Variants in NLRP3 observed in about 807,000 individuals in gnomAD.
NLRP3 encodes NACHT, LRR and PYD domains-containing protein 3.
In NLRP3, 48 loss-of-function variants were observed where a neutral mutation model predicts 91.3. The ratio of observed to expected loss-of-function variants is 0.53; its 90% CI spans 0.42 to 0.67. The LOEUF is 0.67. Among genes scored for constraint, NLRP3 ranks in the 30% least tolerant of loss-of-function variants. The pLI, the probability that NLRP3 is intolerant of heterozygous loss-of-function variation, is 0.00. For synonymous variants in NLRP3, 561 were observed against 507.9 expected, an observed-to-expected ratio of 1.10 and a Z score of -1.41; for missense variants, 982 against 1,276.9, an observed-to-expected ratio of 0.77 and a Z score of 3.52.
At chr1:247,441,133 TTCTTTCTTTC>T (rs1480877848) in intron 7 of NLRP3, among the ~76,000 whole-genome samples, 1 of 21,960 alleles carries the variant, frequency 4.6e-5, no homozygotes, top group African/African-American at 1.3e-4. Context: ...CTTTTTCTCT[TTCTTTCTTTC>T]TTTCTCTCTC....
rs1221826907 is a variant in NLRP3 at position 247,433,890 on chromosome 1, G to A, written c.2322-213G>A. Among the ~76,000 whole-genome samples, 87 of 143,194 alleles carry A rather than the reference G, an allele frequency of 6.1e-4. 1 individual carries two copies. The highest frequency in any genetic ancestry group is 3.6e-3 in the Middle Eastern group (1 of 276). The allele number at this position is 143,194 out of a possible 152,430, so 93.9% of individuals were successfully genotyped here. A position where few individuals can be genotyped will look rare whatever the true frequency, so the allele number is the denominator to read the frequency against. Reference sequence around the variant, plus strand: ...GCTTTCTCTATTCTGGAGCTCTCTGGTCAGATGTGTTCTGATGCTTTCTCT... The same window carrying A: ...GCTTTCTCTATTCTGGAGCTCTCTGATCAGATGTGTTCTGATGCTTTCTCT... On this transcript the variant is annotated intron_variant, in intron 5 of 9. Coordinates refer to ENST00000336119, the MANE Select transcript of NLRP3 (RefSeq NM_001243133.2).
At chr1:247,447,189 C>T (rs1002499761) in intron 9 of NLRP3, among the ~76,000 whole-genome samples, 1 of 152,170 alleles carries the variant, frequency 6.6e-6, no homozygotes, top group Non-Finnish European at 1.5e-5. Context: ...AGTCCAAAAT[C>T]AAGTCTCTGA....
intron 9 of NLRP3, among the ~76,000 whole-genome samples, chr1:247,447,758 CATT>C (rs1024086041): frequency 7.2e-5 from 11 of 152,086 alleles, no homozygotes; most frequent in Admixed American, 6.5e-4. Context: ...GTGATAGTGA[CATT>C]GTAATTATAT....
intron 7 of NLRP3, among the ~76,000 whole-genome samples, chr1:247,437,350 G>C (rs193272023): frequency 6.6e-6 from 1 of 152,142 alleles, no homozygotes; most frequent in African/African-American, 2.4e-5. Context: ...TGGCAGGAAA[G>C]GTCTTCCCAG....
intron 7 of NLRP3, among the ~76,000 whole-genome samples, chr1:247,436,858 T>C (rs1663824322): frequency 6.6e-6 from 1 of 152,254 alleles, no homozygotes; most frequent in East Asian, 1.9e-4. Flanking sequence ...TGTACCACTT[T>C]CCTGTATCAC....
intron 5 of NLRP3, among the ~76,000 whole-genome samples, chr1:247,433,171 C>T (rs1035217746): frequency 1.1e-4 from 17 of 151,764 alleles, no homozygotes; most frequent in Non-Finnish European, 8.8e-5. Context: ...CTCGCCAGTG[C>T]ACTCCAGCCT....
intron 5 of NLRP3, among the ~76,000 whole-genome samples, chr1:247,433,107 T>C (rs929456153): frequency 3.9e-5 from 6 of 151,998 alleles, no homozygotes; most frequent in Non-Finnish European, 8.8e-5. Flanking sequence ...CTTGGGAGGC[T>C]GAGGCAGGTG....
At position 247,434,095 on chromosome 1, in the gene NLRP3, G is replaced by C. The variant is rs201732444; in HGVS notation, c.2322-8G>C. 7.6e-6 allele frequency: 10 copies of C among 1,307,528 alleles called. No homozygotes were observed. Among genetic ancestry groups the C allele is most frequent in the Non-Finnish European group, 1.0e-5 (10 of 1,001,688 alleles). The allele number at this position is 1,307,528 out of a possible 1,614,324, so 81.0% of individuals were successfully genotyped here. A position where few individuals can be genotyped will look rare whatever the true frequency, so the allele number is the denominator to read the frequency against. On this transcript the variant is annotated splice_polypyrimidine_tract_variant and splice_region_variant and intron_variant, in intron 5 of 9. Coordinates refer to ENST00000336119, the MANE Select transcript of NLRP3 (RefSeq NM_001243133.2). ...CTGATGCTTTCTGCCTCTGTTCTTG[G>C]CATGAAGGTTGGGGCGCTGTGGCCT... is the stretch of plus-strand genomic sequence containing the variant.
chr1:247,426,160 C>T (rs914148548), intron 4 of NLRP3, among the ~76,000 whole-genome samples: 2 of 151,928 alleles, frequency 1.3e-5, no homozygotes, highest in Non-Finnish European at 2.9e-5. Context: ...AAAGTGTGTG[C>T]AGGTGACAGT....
chr1:247,423,286 G>A lies in NLRP3; in HGVS notation c.334G>A (p.Glu112Lys). 6.2e-7 allele frequency: 1 copy of A among 1,606,804 alleles called. No homozygotes were observed. The highest frequency in any genetic ancestry group is 8.5e-7 in the Non-Finnish European group (1 of 1,175,566). ...PTVICQEDSI[E>K]EEWMGLLEYL... The stretch of plus-strand genomic sequence containing the variant: ...TGTGATATGCCAGGAAGACAGCATT[G>A]AAGAGGAGTGGATGGGTTTACTGGA... The change falls in exon 3 of 10, where the codon GAA becomes AAA. Residue 112 changes from glutamate to lysine, a missense_variant. Around this residue, in one of 5 missense-constraint regions of NLRP3, gnomAD observed 548 missense variants for 713.7 expected, o/e 0.77. Coordinates refer to ENST00000336119, the MANE Select transcript of NLRP3 (RefSeq NM_001243133.2).
chr1:247,423,850 A>T lies in NLRP3; in HGVS notation c.401A>T (p.Tyr134Phe). 2 of 1,613,652 alleles carry T rather than the reference A, an allele frequency of 1.2e-6. No individual in the cohort carries two copies. The highest frequency in any genetic ancestry group is 1.7e-6 in the Non-Finnish European group (2 of 1,179,864). ...TAACTTCCTGTCTTTGCCGTAGATT[A>T]CCGTAAGAAGTACAGAAAGTACGTG... ...RISICKMKKD[Y>F]RKKYRKYVRS... Residue 134 changes from tyrosine to phenylalanine, a missense_variant, in exon 4 of 10, where the codon TAC (tyrosine) becomes TTC (phenylalanine). Around this residue, in one of 5 missense-constraint regions of NLRP3, gnomAD observed 548 missense variants for 713.7 expected, o/e 0.77. Transcript: ENST00000336119.
intron 7 of NLRP3, among the ~76,000 whole-genome samples, chr1:247,438,592 C>T (rs966384687): frequency 2.0e-5 from 3 of 152,160 alleles, no homozygotes; most frequent in African/African-American, 7.2e-5. Context: ...CCATGTTTGC[C>T]AGGCTGGTCT....
intron 8 of NLRP3, 84 bp from the exon 9 acceptor site, chr1:247,444,567 C>A: frequency 6.9e-7 from 1 of 1,446,138 alleles, no homozygotes; most frequent in South Asian, 1.2e-5. Flanking sequence ...CCACCTGAAA[C>A]AAGACAGGCT....
rs1465705348 is a variant in NLRP3 at position 247,424,265 on chromosome 1, C to T, written c.816C>T (p.Asp272=). 1 of 1,614,074 alleles carries T rather than the reference C, an allele frequency of 6.2e-7. No individual in the cohort carries two copies. Among genetic ancestry groups the T allele is most frequent in the South Asian group, 1.1e-5 (1 of 91,082 alleles). The change falls in exon 4 of 10, where the codon GAC becomes GAT. Residue 272 remains aspartate, a synonymous_variant. Transcript: ENST00000336119. This position sits in a 1 kb window ranked among gnomAD's most constrained non-coding sequence, Gnocchi z 8.1. ...VSLVTQRSLG[D]LIMSCCPDPN... is the part of the protein sequence containing the mutation. ...TTGTGACACAGAGGAGCCTGGGGGA[C>T]CTGATCATGAGCTGCTGCCCCGACC...
At chr1:247,431,326 C>A (rs1023859421) in intron 5 of NLRP3, among the ~76,000 whole-genome samples, 1 of 152,196 alleles carries the variant, frequency 6.6e-6, no homozygotes, top group African/African-American at 2.4e-5. Flanking sequence ...CGCATGCAGG[C>A]GTCTGCATTT....
chr1:247,430,774 T>G (rs1202674077), intron 5 of NLRP3, among the ~76,000 whole-genome samples: 2 of 88,984 alleles, frequency 2.2e-5, no homozygotes, highest in Non-Finnish European at 5.2e-5. Flanking sequence ...ATGAAAATAC[T>G]TTTTTTTTTT....
At chr1:247,445,631 C>T (rs966533716) in intron 9 of NLRP3, among the ~76,000 whole-genome samples, 15 of 152,220 alleles carry the variant, frequency 9.9e-5, no homozygotes, top group Non-Finnish European at 1.8e-4. Context: ...CGTCTCCTCT[C>T]TAGCAAGAGC....
At chr1:247,437,133 C>T (rs1663851348) in intron 7 of NLRP3, among the ~76,000 whole-genome samples, 1 of 152,220 alleles carries the variant, frequency 6.6e-6, no homozygotes, top group Non-Finnish European at 1.5e-5. Context: ...TACAGGGCTT[C>T]TTCATCTGGC....
At chr1:247,429,313 G>A (rs1162622826) in intron 4 of NLRP3, among the ~76,000 whole-genome samples, 4 of 152,150 alleles carry the variant, frequency 2.6e-5, no homozygotes, top group East Asian at 1.9e-4. Context: ...TGGTAAGGGC[G>A]AGAGGAGGAC....
Sources: allele counts gnomAD v4.1 joint callset (sites outside exome capture counted in the v4.1 genomes callset), GRCh38; gene constraint gnomAD v4.1.1; regional missense constraint gnomAD v4.1.1; non-coding constraint Gnocchi (gnomAD v3.1); transcripts MANE v1.5; gene names NCBI Gene and HGNC (gene_info 2026-07-23, HGNC 2026-07-21).